NARS2: variants seen among roughly 807,000 people sequenced by gnomAD.
NARS2 encodes the protein asparaginyl-tRNA synthetase 2, mitochondrial.
In NARS2, 60 loss-of-function variants were observed where a neutral mutation model predicts 62.9. The ratio of observed to expected loss-of-function variants is 0.95; its 90% CI spans 0.77 to 1.18. The LOEUF (loss-of-function observed/expected upper bound fraction) is 1.18. NARS2 is among the 50% of genes most tolerant of loss of function. The pLI, the probability that NARS2 is intolerant of heterozygous loss-of-function variation, is 0.00. For missense variants in NARS2, 619 were observed against 576.4 expected (o/e 1.07, Z -0.76); for synonymous variants, 196 against 200.0 (o/e 0.98, Z 0.17).
intron 5 of NARS2, among the ~76,000 whole-genome samples, chr11:78,554,853 G>A (rs1393896477): frequency 1.3e-5 from 2 of 152,210 alleles, no homozygotes; most frequent in African/African-American, 4.8e-5. Context: ...TGGTTTCCAA[G>A]GGGAATGCTT....
chr11:78,466,550 G>T (rs746348524), intron 10 of NARS2, among the ~76,000 whole-genome samples: 1 of 151,930 alleles, frequency 6.6e-6, no homozygotes, highest in Non-Finnish European at 1.5e-5. Context: ...GTGCAATCTC[G>T]GCTCACTGCA....
At chr11:78,553,719 GAC>G (rs1278386033) in intron 5 of NARS2, among the ~76,000 whole-genome samples, 1 of 152,144 alleles carries the variant, frequency 6.6e-6, no homozygotes, top group Non-Finnish European at 1.5e-5. Flanking sequence ...TTATTCTGCT[GAC>G]AGTTTCTTTT....
In NARS2 at chr11:78,568,698, T is replaced by C. The variant is rs60510975; in HGVS notation, c.306A>G (p.Pro102=). The C allele has an allele frequency of 7.2e-3, 11,677 of 1,613,372 alleles. 754 individuals are homozygous for C. The African/African-American group carries it at 0.14, about 19-fold the overall frequency. Residue 102 remains proline (P), a synonymous_variant, in exon 3 of 14, where the codon CCA becomes CCG. Coordinates refer to ENST00000281038, the MANE Select transcript of NARS2 (RefSeq NM_024678.6). The part of the protein sequence containing the change: ...VEVQGQLIKS[P]SKRQNVELKA... ...TCAGTTCCACATTTTGCCTTTTGGATGGACTTTTTATCAGCTGCCCTTGTA... is the reference window on the plus strand; with the variant it reads ...TCAGTTCCACATTTTGCCTTTTGGACGGACTTTTTATCAGCTGCCCTTGTA...
At position 78,436,634 on chromosome 11, in the gene NARS2, G is replaced by A. The variant is rs369574536; in HGVS notation, c.*36C>T. ...ATGCACAATCATGTGCAGTGTCTCT[G>A]CCATGGGGGGTGCTTTTCCTTAACC... is the stretch of plus-strand genomic sequence containing the variant. On this transcript the variant is annotated 3_prime_UTR_variant, in exon 14 of 14. Transcript: ENST00000281038. 1.9e-6 allele frequency: 3 copies of A among 1,611,576 alleles called. No individual in the cohort carries two copies. Among genetic ancestry groups the A allele is most frequent in the Non-Finnish European group, 2.5e-6 (3 of 1,178,300 alleles).
At chr11:78,565,541 G>C (rs1364428495) in intron 4 of NARS2, among the ~76,000 whole-genome samples, 1 of 152,154 alleles carries the variant, frequency 6.6e-6, no homozygotes. Context: ...CTGAGTTGAA[G>C]AGACACAACT....
At chr11:78,513,007 T>G (rs1860772473) in intron 6 of NARS2, among the ~76,000 whole-genome samples, 2 of 152,174 alleles carry the variant, frequency 1.3e-5, no homozygotes, top group Non-Finnish European at 2.9e-5. Flanking sequence ...CTCAGTAGTT[T>G]GGGAGGCTGA....
At chr11:78,451,355 T>C (rs1235345321) in intron 11 of NARS2, among the ~76,000 whole-genome samples, 1 of 152,246 alleles carries the variant, frequency 6.6e-6, no homozygotes, top group African/African-American at 2.4e-5. Context: ...CTAGAAAAAC[T>C]ACCTCTTTCT....
intron 11 of NARS2, among the ~76,000 whole-genome samples, chr11:78,463,502 A>G (rs917825034): frequency 6.6e-6 from 1 of 152,188 alleles, no homozygotes; most frequent in Non-Finnish European, 1.5e-5. Flanking sequence ...CCTGGCCAAC[A>G]TGGTGAAACC....
intron 1 of NARS2, chr11:78,573,233 C>A (rs991379635): frequency 6.6e-6 from 1 of 152,140 alleles, no homozygotes; most frequent in South Asian, 2.1e-4. Flanking sequence ...AGAACCTACT[C>A]AAAAAATAAG....
intron 6 of NARS2, among the ~76,000 whole-genome samples, chr11:78,522,360 A>G (rs1249959138): frequency 1.3e-5 from 2 of 152,192 alleles, no homozygotes; most frequent in Non-Finnish European, 2.9e-5. Context: ...ATTTTCTCAA[A>G]CATAAGAACT....
intron 4 of NARS2, among the ~76,000 whole-genome samples, chr11:78,559,874 G>A (rs1164679390): frequency 6.6e-6 from 1 of 152,148 alleles, no homozygotes; most frequent in Non-Finnish European, 1.5e-5. Flanking sequence ...GGAAGTTAAG[G>A]CCCAGACAGA....
At chr11:78,509,538 TAAAA>T (rs750079638) in intron 6 of NARS2, among the ~76,000 whole-genome samples, 61 of 151,430 alleles carry the variant, frequency 4.0e-4, no homozygotes, top group Non-Finnish European at 6.8e-4. Context: ...TAATACACTT[TAAAA>T]AAAAACCTAA....
chr11:78,438,480 A>G (rs1226339536), intron 13 of NARS2, among the ~76,000 whole-genome samples: 1 of 152,218 alleles, frequency 6.6e-6, no homozygotes, highest in Non-Finnish European at 1.5e-5. Context: ...TGGCTGCTAC[A>G]AAGTCCAGCA....
intron 6 of NARS2, among the ~76,000 whole-genome samples, chr11:78,517,608 C>T (rs1273271341): frequency 6.6e-6 from 1 of 152,180 alleles, no homozygotes; most frequent in Non-Finnish European, 1.5e-5. Flanking sequence ...ATTCCTTGGT[C>T]CATCATTATA....
chr11:78,568,285 T>C (rs1856808088), intron 3 of NARS2, among the ~76,000 whole-genome samples: 1 of 152,226 alleles, frequency 6.6e-6, no homozygotes, highest in Admixed American at 6.5e-5. Flanking sequence ...GGCTAGAGCC[T>C]ACCATTATTG....
chr11:78,571,602 G>T, intron 1 of NARS2, 158 bp from the exon 2 acceptor site: 1 of 571,886 alleles, frequency 1.7e-6, no homozygotes. Context: ...AATTTTATAT[G>T]TTCCAATCAC....
intron 11 of NARS2, among the ~76,000 whole-genome samples, chr11:78,459,149 A>G (rs958148991): frequency 1.3e-5 from 2 of 151,684 alleles, no homozygotes; most frequent in Non-Finnish European, 2.9e-5. Flanking sequence ...TCCTGACCTC[A>G]GGTGATCCAC....
chr11:78,507,790 A>G (rs1187518640), intron 6 of NARS2, among the ~76,000 whole-genome samples: 1 of 152,192 alleles, frequency 6.6e-6, no homozygotes, highest in Non-Finnish European at 1.5e-5. Context: ...AAGTGCTGGG[A>G]TTACAGGCGT....
intron 10 of NARS2, among the ~76,000 whole-genome samples, chr11:78,467,008 T>C (rs1390021603): frequency 1.3e-5 from 2 of 152,154 alleles, no homozygotes; most frequent in African/African-American, 2.4e-5. Context: ...AAAGAATTGA[T>C]CATAAATATA....
Sources: gnomAD v4.1 joint callset for allele counts (sites outside exome capture counted in the v4.1 genomes callset) on GRCh38, gnomAD v4.1.1 for gene constraint, MANE v1.5 for transcripts, NCBI Gene and HGNC (gene_info 2026-07-23, HGNC 2026-07-21) for gene names.